Variants in PELP1 observed in about 807,000 individuals in gnomAD.
PELP1 encodes proline-, glutamic acid- and leucine-rich protein 1.
A neutral mutation model predicts 95.5 loss-of-function variants in PELP1; 32 were observed. The ratio of observed to expected loss-of-function variants is 0.34; its 90% CI spans 0.25 to 0.45. The LOEUF is 0.45. PELP1 is among the 20% of genes least tolerant of loss of function. PELP1 has a pLI of 1.00. For missense variants in PELP1, 1,358 were observed against 1,444.8 expected (o/e 0.94, Z 0.97); for synonymous variants, 668 against 600.1 (o/e 1.11, Z -1.65).
chr17:4,703,551 A>G (rs1284579750), intron 1 of PELP1, among the ~76,000 whole-genome samples: 1 of 152,212 alleles, frequency 6.6e-6, no homozygotes, highest in Non-Finnish European at 1.5e-5. Context: ...CGAAACAGAT[A>G]TTGCCAGAGG....
At chr17:4,703,576 A>C (rs1288107399) in intron 1 of PELP1, among the ~76,000 whole-genome samples, 2 of 152,178 alleles carry the variant, frequency 1.3e-5, no homozygotes, top group African/African-American at 4.8e-5. Flanking sequence ...AGAGACTTTT[A>C]GATTATACAA....
chr17:4,691,557 T>A (rs1913101274), intron 1 of PELP1, 115 bp from the exon 2 acceptor site: 1 of 752,152 alleles, frequency 1.3e-6, no homozygotes, highest in African/African-American at 1.8e-5. Flanking sequence ...TCACATCTCC[T>A]CTGAGGCCAA....
At chr17:4,682,456 C>T in intron 5 of PELP1, 46 bp downstream of exon 5, 2 of 1,243,520 alleles carry the variant, frequency 1.6e-6, no homozygotes, top group Non-Finnish European at 2.4e-6. Flanking sequence ...GAGGTAAGAG[C>T]TCTCAACGCT....
At chr17:4,674,362 G>A in intron 13 of PELP1, 148 bp downstream of exon 13, 1 of 674,944 alleles carries the variant, frequency 1.5e-6, no homozygotes, top group Non-Finnish European at 2.5e-6. Flanking sequence ...CTGTTTGGGG[G>A]ATCACTTATC....
chr17:4,679,358 A>C (rs1306238038), intron 5 of PELP1, among the ~76,000 whole-genome samples: 3 of 152,208 alleles, frequency 2.0e-5, no homozygotes, highest in Non-Finnish European at 4.4e-5. Context: ...TGCAGGCCTT[A>C]AGTTCAACTG....
chr17:4,675,987 T>C lies in PELP1; in HGVS notation c.980+49A>G. On this transcript the variant is annotated intron_variant, in intron 8 of 16. Coordinates refer to ENST00000572293, the MANE Select transcript of PELP1 (RefSeq NM_014389.3). The surrounding 1 kb of genome is among the most constrained non-coding windows in gnomAD (Gnocchi z 4.3). ...TCCTGATGAAGGCGACACTCCCTCA[T>C]CAATCCCTCCTGCTCCACGCCTCCG... 6.2e-7 allele frequency: 1 copy of C among 1,608,912 alleles called. No individual in the cohort carries two copies. The highest frequency in any genetic ancestry group is 8.5e-7 in the Non-Finnish European group (1 of 1,176,860).
At chr17:4,692,535 C>A (rs1172820909) in intron 1 of PELP1, among the ~76,000 whole-genome samples, 1 of 151,714 alleles carries the variant, frequency 6.6e-6, no homozygotes, top group Non-Finnish European at 1.5e-5. Flanking sequence ...GTGCCAGGTA[C>A]TTATTTTCTA....
chr17:4,682,800 C>T lies in PELP1; in HGVS notation c.570+3G>A, dbSNP rs774456072. 7.7e-6 allele frequency: 12 copies of T among 1,564,064 alleles called. No homozygotes were observed. Among genetic ancestry groups the T allele is most frequent in the Admixed American group, 2.0e-5 (1 of 51,116 alleles). ...TGGGGAAGGGTCCAGGGAGACATCTCACCTCTGGCCTGAGGCCCAGCAGGG... is the reference window on the plus strand; with the variant it reads ...TGGGGAAGGGTCCAGGGAGACATCTTACCTCTGGCCTGAGGCCCAGCAGGG... On this transcript the variant is annotated splice_donor_region_variant and intron_variant, in intron 4 of 16. Coordinates refer to ENST00000572293, the MANE Select transcript of PELP1 (RefSeq NM_014389.3).
intron 1 of PELP1, among the ~76,000 whole-genome samples, chr17:4,692,968 C>A (rs1204842807): frequency 1.3e-5 from 2 of 152,106 alleles, no homozygotes; most frequent in East Asian, 3.9e-4. Flanking sequence ...TGAGATCACA[C>A]CATTGCACTC....
chr17:4,673,578 G>T lies in PELP1; in HGVS notation c.1638+41C>A, dbSNP rs1227164398. Reference sequence around the variant, plus strand: ...CACCCCCCAATGTGTACAGAGCAGGGGCCCCTTCCCCTATCTCCACGGAGA... The same window carrying T: ...CACCCCCCAATGTGTACAGAGCAGGTGCCCCTTCCCCTATCTCCACGGAGA... On this transcript the variant is annotated intron_variant, in intron 14 of 16. Coordinates refer to ENST00000572293, the MANE Select transcript of PELP1 (RefSeq NM_014389.3). This position sits in a 1 kb window ranked among gnomAD's most constrained non-coding sequence, Gnocchi z 5.7. 6.2e-7 allele frequency: 1 copy of T among 1,603,530 alleles called. No homozygotes were observed. Among genetic ancestry groups the T allele is most frequent in the Admixed American group, 1.7e-5 (1 of 60,002 alleles).
chr17:4,700,674 C>T (rs1913487219), intron 1 of PELP1, among the ~76,000 whole-genome samples: 1 of 151,882 alleles, frequency 6.6e-6, no homozygotes, highest in African/African-American at 2.4e-5. Context: ...TCTGTAATCC[C>T]AGGATTTTGG....
In PELP1 at chr17:4,674,775, G is replaced by A. The variant is rs1300878138; in HGVS notation, c.1422+34C>T. 5.0e-6 allele frequency: 8 copies of A among 1,596,476 alleles called. No individual in the cohort carries two copies. The South Asian group carries it at 8.9e-5, about 18-fold the overall frequency. ...AGGCACACTTGGTCAAAGGGCACAGGATGAGTCCTAAGGCGGAGCTGAGGC... is the reference window on the plus strand; with the variant it reads ...AGGCACACTTGGTCAAAGGGCACAGAATGAGTCCTAAGGCGGAGCTGAGGC... On this transcript the variant is annotated intron_variant, in intron 12 of 16. Coordinates refer to ENST00000572293, the MANE Select transcript of PELP1 (RefSeq NM_014389.3).
chr17:4,675,506 C>T lies in PELP1; in HGVS notation c.1069-144G>A, dbSNP rs1316569450. The stretch of plus-strand genomic sequence containing the variant: ...CTCAGCTCTCCCAACAAAATCAAAC[C>T]CCTATCCTCTAAAATAGACCCTGGA... On this transcript the variant is annotated intron_variant, in intron 9 of 16. Transcript: ENST00000572293. This position sits in a 1 kb window ranked among gnomAD's most constrained non-coding sequence, Gnocchi z 4.3. 1 of 720,938 alleles carries T rather than the reference C, an allele frequency of 1.4e-6. No individual in the cohort carries two copies. Among genetic ancestry groups the T allele is most frequent in the East Asian group, 2.7e-5 (1 of 37,322 alleles). The allele number at this position is 720,938 out of a possible 1,614,324, so 44.7% of individuals were successfully genotyped here.
Position 4,675,392 on chromosome 17 carries a change from T to A in PELP1, c.1069-30A>T. 1 of 1,337,032 alleles carries A rather than the reference T, an allele frequency of 7.5e-7. No homozygotes were observed. The allele number at this position is 1,337,032 out of a possible 1,614,324, so 82.8% of individuals were successfully genotyped here. On this transcript the variant is annotated intron_variant, in intron 9 of 16. Transcript: ENST00000572293. This position sits in a 1 kb window ranked among gnomAD's most constrained non-coding sequence, Gnocchi z 4.3. ...AGAAAAAAGGGGCAGAGATAAAGAG[T>A]GGAGGAAGAAAGTGAGAGCCAGAGA...
chr17:4,696,147 G>C (rs1913288720), intron 1 of PELP1, among the ~76,000 whole-genome samples: 1 of 151,872 alleles, frequency 6.6e-6, no homozygotes, highest in South Asian at 2.1e-4. Context: ...GTGCAACCGA[G>C]GGAGACCCCC....
chr17:4,683,397 T>C lies in PELP1; in HGVS notation c.421-445A>G, dbSNP rs1304433332. On this transcript the variant is annotated intron_variant, in intron 3 of 16. Transcript: ENST00000572293. The stretch of plus-strand genomic sequence containing the variant: ...CACCACGCCTGACTAATTTTTTGTA[T>C]TTTTAGTAGAGACGGGGTTTCACTA... Among the ~76,000 whole-genome samples the C allele has an allele frequency of 4.6e-5, 7 of 151,962 alleles. 1 individual carries two copies. The East Asian group carries it at 1.4e-3, about 29-fold the overall frequency.
intron 1 of PELP1, chr17:4,691,817 A>G: frequency 5.6e-6 from 1 of 179,446 alleles, no homozygotes; most frequent in South Asian, 1.6e-4. Flanking sequence ...CACTGAACTC[A>G]TCCATTATCC....
chr17:4,699,515 C>G (rs990040045), intron 1 of PELP1, among the ~76,000 whole-genome samples: 3 of 152,174 alleles, frequency 2.0e-5, no homozygotes, highest in African/African-American at 7.2e-5. Flanking sequence ...ACAAAAAGTA[C>G]AGATAACACT....
At chr17:4,678,385 G>A (rs897854111) in intron 5 of PELP1, among the ~76,000 whole-genome samples, 1 of 151,982 alleles carries the variant, frequency 6.6e-6, no homozygotes. Flanking sequence ...TGACGTGGGA[G>A]GATCACTTGA....
Sources: allele counts gnomAD v4.1 joint callset (sites outside exome capture counted in the v4.1 genomes callset), GRCh38; gene constraint gnomAD v4.1.1; non-coding constraint Gnocchi (gnomAD v3.1); transcripts MANE v1.5; gene names NCBI Gene and HGNC (gene_info 2026-07-23, HGNC 2026-07-21).